The following PYCR2 variants were observed in gnomAD, a reference collection of about 807,000 sequenced individuals.
PYCR2 encodes P5C reductase 2.
Under a neutral mutation model 23.4 loss-of-function variants are expected in PYCR2, and 17 were observed. The observed-to-expected ratio is 0.73, with a 90% CI of 0.50 to 1.09. PYCR2 has a LOEUF of 1.09. PYCR2 is among the 50% of genes least tolerant of loss of function. The pLI is 0.00. For synonymous variants in PYCR2, 172 were observed against 176.6 expected (o/e 0.97, Z 0.21); for missense variants, 380 against 423.5 (o/e 0.90, Z 0.90).
At chr1:225,922,732 A>C in intron 2 of PYCR2, 1 of 273,542 alleles carries the variant, frequency 3.7e-6, no homozygotes, top group Non-Finnish European at 7.1e-6. Context: ...TGGTCGTTAA[A>C]AGCACAGCTG....
intron 2 of PYCR2, chr1:225,923,096 T>C: frequency 1.1e-6 from 1 of 874,200 alleles, no homozygotes; most frequent in Non-Finnish European, 1.4e-6. Context: ...CTGAGTACTT[T>C]AAGGTCATAC....
chr1:225,924,043 C>T lies in PYCR2; in HGVS notation c.67+1G>A. The T allele has an allele frequency of 2.6e-6, 4 of 1,538,224 alleles. No individual in the cohort carries two copies. Among genetic ancestry groups the T allele is most frequent in the Non-Finnish European group, 3.5e-6 (4 of 1,145,140 alleles). ...GCCGCCTCCCGCCTCCACGCGCTTG[C>T]CTGCGGCCGTGAAGCCCCGCGCCAG... On this transcript the variant is annotated splice_donor_variant, in intron 1 of 6. Transcript: ENST00000343818. LOFTEE classifies it high-confidence loss of function.
chr1:225,923,295 G>A (rs1671898995), intron 2 of PYCR2: 3 of 315,142 alleles, frequency 9.5e-6, no homozygotes, highest in African/African-American at 2.3e-5. Flanking sequence ...CTACTCGGGA[G>A]GCTGAGGTGG....
chr1:225,921,424 T>G lies in PYCR2; in HGVS notation c.634-53A>C. On this transcript the variant is annotated intron_variant, in intron 5 of 6. Coordinates refer to ENST00000343818, the MANE Select transcript of PYCR2 (RefSeq NM_013328.4). This position sits in a 1 kb window ranked among gnomAD's most constrained non-coding sequence, Gnocchi z 4.2. ...GTTGCTGGTGTGCGTTGGAACAGGC[T>G]TCCCATACCCACTGCTCCTGCCCAA... 1 of 1,523,322 alleles carries G rather than the reference T, an allele frequency of 6.6e-7. No individual in the cohort carries two copies. Among genetic ancestry groups the G allele is most frequent in the Non-Finnish European group, 9.1e-7 (1 of 1,104,806 alleles). 94.4% of individuals were successfully genotyped at this position (1,523,322 alleles called of 1,614,324 possible). A position where few individuals can be genotyped will look rare whatever the true frequency, so the allele number is the denominator to read the frequency against.
chr1:225,921,949 TCCAGGAGCTGCC>T lies in PYCR2; in HGVS notation c.437_448del (p.Gly146_Leu149del). On this transcript the variant is annotated inframe_deletion, in exon 4 of 7. Coordinates refer to ENST00000343818, the MANE Select transcript of PYCR2 (RefSeq NM_013328.4). The surrounding 1 kb of genome is among the most constrained non-coding windows in gnomAD (Gnocchi z 4.2). ...GAAGCCCACGCTGCTCATGAGCTGC[TCCAGGAGCTGCC>T]CATCCTCCACCAGGGCATGGGTGCC... 1 of 1,614,088 alleles carries T rather than the reference TCCAGGAGCTGCC, an allele frequency of 6.2e-7. No homozygotes were observed. The highest frequency in any genetic ancestry group is 1.1e-5 in the South Asian group (1 of 91,078).
chr1:225,922,574 A>G, intron 2 of PYCR2, 191 bp from the exon 3 acceptor site: 2 of 612,518 alleles, frequency 3.3e-6, no homozygotes, highest in Non-Finnish European at 5.6e-6. Context: ...ACAAGTAAGC[A>G]CAGGCTTGGA....
chr1:225,923,348 C>T (rs1307788887), intron 2 of PYCR2: 2 of 679,440 alleles, frequency 2.9e-6, no homozygotes, highest in Admixed American at 5.1e-5. Flanking sequence ...GCTGAGATCG[C>T]GCCACTGCAC....
rs1384535601 is a variant in PYCR2, at chr1:225,924,118, G to A, written c.-8C>T. On this transcript the variant is annotated 5_prime_UTR_variant, in exon 1 of 7. Coordinates refer to ENST00000343818, the MANE Select transcript of PYCR2 (RefSeq NM_013328.4). ...GATGAAGCCCACGCTCATGGTCCGC[G>A]GTTCACGCCTCCTGGGAGCCGCACG... 3 of 1,541,420 alleles carry A rather than the reference G, an allele frequency of 1.9e-6. No individual in the cohort carries two copies. The highest frequency in any genetic ancestry group is 1.4e-5 in the African/African-American group (1 of 73,124).
rs763684220 is a variant in PYCR2 at position 225,923,743 on chromosome 1, G to C, written c.96C>G (p.Ala32=). ...TGGGCAGGTTCATTTCTGGGGAGCT[G>C]GCTATTATCTTGTGAGCCGACAGGA... is the stretch of plus-strand genomic sequence containing the variant. The part of the protein sequence containing the change: ...AGILSAHKII[A]SSPEMNLPTV... Residue 32 remains alanine (A), a synonymous_variant, in exon 2 of 7, where the codon GCC becomes GCG. Coordinates refer to ENST00000343818, the MANE Select transcript of PYCR2 (RefSeq NM_013328.4). The C allele has an allele frequency of 6.2e-7, 1 of 1,614,182 alleles. No homozygotes were observed. Among genetic ancestry groups the C allele is most frequent in the Non-Finnish European group, 8.5e-7 (1 of 1,180,024 alleles).
intron 2 of PYCR2, 192 bp downstream of exon 2, chr1:225,923,509 A>ATGTC: frequency 7.0e-7 from 1 of 1,429,890 alleles, no homozygotes; most frequent in Non-Finnish European, 9.2e-7. Context: ...ACCCCCAGTT[A>ATGTC]TGTCTCCCTG....
At position 225,924,199 on chromosome 1, in the gene PYCR2, G is replaced by A. The variant is rs1671935738; in HGVS notation, c.-89C>T. 7.1e-7 allele frequency: 1 copy of A among 1,398,640 alleles called. No homozygotes were observed. Among genetic ancestry groups the A allele is most frequent in the Non-Finnish European group, 9.5e-7 (1 of 1,050,542 alleles). The allele number at this position is 1,398,640 out of a possible 1,614,324, so 86.6% of individuals were successfully genotyped here. ...CTAGGGGAAGGGCGGACAGCGCAGG[G>A]GCGAACGGGCGGCGTGCCGAGGACC... On this transcript the variant is annotated 5_prime_UTR_variant, in exon 1 of 7. Transcript: ENST00000343818.
chr1:225,920,748 C>T, intron 6 of PYCR2, 128 bp from the exon 7 acceptor site: 1 of 1,040,696 alleles, frequency 9.6e-7, no homozygotes, highest in Non-Finnish European at 1.5e-6. Flanking sequence ...AGCCCCAAGA[C>T]AAACGCTTCC....
In PYCR2 at chr1:225,920,628, C is replaced by G. The variant is rs771242787; in HGVS notation, c.798-8G>C. On this transcript the variant is annotated splice_region_variant and splice_polypyrimidine_tract_variant and intron_variant, in intron 6 of 6. Transcript: ENST00000343818. Reference sequence around the variant, plus strand: ...GCCATGGACTGTAGCTCTCTGCAGACAAAACCCCAGAAGGATTAAAGGAAG... The same window carrying G: ...GCCATGGACTGTAGCTCTCTGCAGAGAAAACCCCAGAAGGATTAAAGGAAG... 1.9e-6 allele frequency: 3 copies of G among 1,612,842 alleles called. No individual in the cohort carries two copies. The highest frequency in any genetic ancestry group is 2.5e-6 in the Non-Finnish European group (3 of 1,179,076).
Position 225,921,073 on chromosome 1 carries a change from G to T in PYCR2, c.797+135C>A. 1 of 921,860 alleles carries T rather than the reference G, an allele frequency of 1.1e-6. No homozygotes were observed. The highest frequency in any genetic ancestry group is 1.6e-6 in the Non-Finnish European group (1 of 609,290). The allele number at this position is 921,860 out of a possible 1,614,324, so 57.1% of individuals were successfully genotyped here. Reference sequence around the variant, plus strand: ...GGTAAACAAAATCTACTAAGTTGTGGTTATTAACAGAGCACAGACTCCAAC... The same window carrying T: ...GGTAAACAAAATCTACTAAGTTGTGTTTATTAACAGAGCACAGACTCCAAC... On this transcript the variant is annotated intron_variant, in intron 6 of 6. Transcript: ENST00000343818. The surrounding 1 kb of genome is among the most constrained non-coding windows in gnomAD (Gnocchi z 4.2).
rs1671866999 is a variant in PYCR2, at chr1:225,922,393, G to A, written c.139-10C>T. 5 of 1,604,726 alleles carry A rather than the reference G, an allele frequency of 3.1e-6. No individual in the cohort carries two copies. Among genetic ancestry groups the A allele is most frequent in the Non-Finnish European group, 4.3e-6 (5 of 1,172,774 alleles). On this transcript the variant is annotated splice_polypyrimidine_tract_variant and intron_variant, in intron 2 of 6. Coordinates refer to ENST00000343818, the MANE Select transcript of PYCR2 (RefSeq NM_013328.4). ...GGTTCACACCCATCTTCTGCAAGAGGAGACTCCCAGCTCACAGTGCTGGAG... is the reference window on the plus strand; with the variant it reads ...GGTTCACACCCATCTTCTGCAAGAGAAGACTCCCAGCTCACAGTGCTGGAG...
chr1:225,923,320 A>G (rs1207339462), intron 2 of PYCR2: 2 of 423,040 alleles, frequency 4.7e-6, no homozygotes, highest in Non-Finnish European at 6.5e-6. Flanking sequence ...CTGAGGTGGG[A>G]GGCGGAGGTT....
At position 225,920,425 on chromosome 1, in the gene PYCR2, C is replaced by G. The variant is rs1398370682; in HGVS notation, c.*30G>C. The stretch of plus-strand genomic sequence containing the variant: ...GGCGGCAGGGGCTCTCAACTAAGGG[C>G]TCTGAATCACAGAGGGGACAGATGC... On this transcript the variant is annotated 3_prime_UTR_variant, in exon 7 of 7. Coordinates refer to ENST00000343818, the MANE Select transcript of PYCR2 (RefSeq NM_013328.4). 4 of 1,415,098 alleles carry G rather than the reference C, an allele frequency of 2.8e-6. No individual in the cohort carries two copies. Among genetic ancestry groups the G allele is most frequent in the Non-Finnish European group, 3.8e-6 (4 of 1,047,912 alleles). The allele number at this position is 1,415,098 out of a possible 1,614,324, so 87.7% of individuals were successfully genotyped here.
Position 225,921,345 on chromosome 1 carries a change from C to G in PYCR2, c.660G>C (p.Ser220=), listed in dbSNP as rs780599845. 2 of 1,553,526 alleles carry G rather than the reference C, an allele frequency of 1.3e-6. No individual in the cohort carries two copies. Among genetic ancestry groups the G allele is most frequent in the South Asian group, 1.1e-5 (1 of 89,686 alleles). Residue 220 remains serine (S), a synonymous_variant, in exon 6 of 7, where the codon TCG becomes TCC. Transcript: ENST00000343818. The surrounding 1 kb of genome is among the most constrained non-coding windows in gnomAD (Gnocchi z 4.2). ...LLGAAKMLLD[S]EQHPCQLKDN... ...CCTTAAGCTGGCATGGATGCTGCTC[C>G]GAGTCCAGCAGCATCTTGGCAGCTC... is the stretch of plus-strand genomic sequence containing the variant.
intron 2 of PYCR2, 188 bp from the exon 3 acceptor site, chr1:225,922,571 A>G (rs989508026): frequency 3.7e-5 from 23 of 617,638 alleles, no homozygotes; most frequent in Non-Finnish European, 6.1e-5. Context: ...TGGACAAGTA[A>G]GCACAGGCTT....
Sources: allele counts gnomAD v4.1 joint callset, GRCh38; gene constraint gnomAD v4.1.1; non-coding constraint Gnocchi (gnomAD v3.1); transcripts MANE v1.5; gene names NCBI Gene and HGNC (gene_info 2026-07-23, HGNC 2026-07-21).